The following TENM3 variants were observed in gnomAD, a reference collection of about 807,000 sequenced individuals.
TENM3 encodes teneurin transmembrane protein 3, also known as teneurin-3.
TENM3 carries 63 observed loss-of-function variants against 255.1 expected under a neutral mutation model. The ratio of observed to expected loss-of-function variants is 0.25; its 90% CI spans 0.20 to 0.30. The LOEUF is 0.30. TENM3 is among the 10% of genes least tolerant of loss of function. TENM3 has a pLI of 1.00. For missense variants in TENM3, 2,929 were observed against 3,461.1 expected (o/e 0.85, Z 3.86); for synonymous variants, 1,306 against 1,322.3 (o/e 0.99, Z 0.27).
chr4:182,432,849 G>GGTGTGTGTGTGTGTGTGTGTGTGTGT (rs70956512), intron 3 of TENM3, among the ~76,000 whole-genome samples: 3,781 of 143,022 alleles, frequency 0.026, 89 homozygotes, highest in Middle Eastern at 0.04. Context: ...AATGGATTTG[G>GGTGTGTGTGTGTGTGTGTGTGTGTGT]GTGTGTGTGT....
chr4:181,457,007 A>G, the TENM3 span, among the ~76,000 whole-genome samples: 2 of 151,902 alleles, frequency 1.3e-5, no homozygotes, highest in African/African-American at 4.8e-5. Flanking sequence ...TCTAAGGGAC[A>G]GCATCAACCA....
the TENM3 span, among the ~76,000 whole-genome samples, chr4:181,672,905 G>A: frequency 6.6e-6 from 1 of 152,178 alleles, no homozygotes; most frequent in Non-Finnish European, 1.5e-5. Flanking sequence ...TGGCACCCTA[G>A]CTGAGGACTG....
chr4:182,668,218 T>C (rs1335821773), intron 6 of TENM3, among the ~76,000 whole-genome samples: 1 of 152,154 alleles, frequency 6.6e-6, no homozygotes, highest in African/African-American at 2.4e-5. Context: ...ACAATACTTT[T>C]AATTTTGCCT....
the TENM3 span, among the ~76,000 whole-genome samples, chr4:181,570,579 GAGAAAA>G: frequency 7.1e-6 from 1 of 139,946 alleles, no homozygotes; most frequent in Non-Finnish European, 1.6e-5. Context: ...AAGGAAAAGA[GAGAAAA>G]AGAAAGAAAA....
intron 3 of TENM3, among the ~76,000 whole-genome samples, chr4:182,408,865 G>T (rs1444949598): frequency 1.3e-5 from 2 of 152,194 alleles, no homozygotes; most frequent in Admixed American, 1.3e-4. Context: ...GGGGCCTTTG[G>T]CAGCCTCCTT....
chr4:182,188,308 G>A (rs780846581), intron 1 of TENM3, among the ~76,000 whole-genome samples: 6 of 152,008 alleles, frequency 3.9e-5, no homozygotes, highest in Admixed American at 2.0e-4. Flanking sequence ...TTCCATATCT[G>A]TAGATGAGAG....
the TENM3 span, among the ~76,000 whole-genome samples, chr4:182,136,952 C>A: frequency 6.6e-6 from 1 of 152,080 alleles, no homozygotes; most frequent in Non-Finnish European, 1.5e-5. Flanking sequence ...TCTCATAATG[C>A]ACAGAAAGAT....
At chr4:182,408,975 G>C (rs989758778) in intron 3 of TENM3, among the ~76,000 whole-genome samples, 1 of 152,228 alleles carries the variant, frequency 6.6e-6, no homozygotes, top group Non-Finnish European at 1.5e-5. Context: ...TACAGATAAC[G>C]AGGACCAGTC....
At chr4:181,580,373 A>T in the TENM3 span, among the ~76,000 whole-genome samples, 2 of 152,132 alleles carry the variant, frequency 1.3e-5, no homozygotes, top group African/African-American at 4.8e-5. Flanking sequence ...GCATATGCAG[A>T]TCTTCTCCAT....
intron 1 of TENM3, among the ~76,000 whole-genome samples, chr4:182,252,731 A>C (rs1758102847): frequency 6.6e-6 from 1 of 152,224 alleles, no homozygotes; most frequent in Non-Finnish European, 1.5e-5. Context: ...TTTATACATA[A>C]AATGACACCT....
chr4:182,583,811 G>A (rs918098438), intron 3 of TENM3, among the ~76,000 whole-genome samples: 5 of 152,094 alleles, frequency 3.3e-5, no homozygotes, highest in African/African-American at 1.2e-4. Flanking sequence ...GTTAGCATGT[G>A]TTTTCTACAG....
At chr4:181,588,101 A>G in the TENM3 span, among the ~76,000 whole-genome samples, 13,186 of 152,242 alleles carry the variant, frequency 0.087, 733 homozygotes, top group Middle Eastern at 0.13. Context: ...TTAGAGGAGC[A>G]TGCCAGACAT....
At position 182,503,196 on chromosome 4, in the gene TENM3, G is replaced by C. The variant is rs751671675; in HGVS notation, c.512-97728G>C. On this transcript the variant is annotated intron_variant, in intron 3 of 27. Transcript: ENST00000511685. ...GGTTTCTTGCTTTGGGTGAGGACTG[G>C]GGAGAGTGTATACATGTGGCTGCTG... Among the ~76,000 whole-genome samples, 5 of 152,022 alleles carry C rather than the reference G, an allele frequency of 3.3e-5. 1 individual carries two copies. The highest frequency in any genetic ancestry group is 3.3e-4 in the Admixed American group (5 of 15,248).
At chr4:182,287,649 T>C (rs1207523126) in intron 1 of TENM3, among the ~76,000 whole-genome samples, 2 of 151,606 alleles carry the variant, frequency 1.3e-5, no homozygotes, top group Non-Finnish European at 2.9e-5. Context: ...AGTCTCGCTC[T>C]GACACCCAGG....
the TENM3 span, among the ~76,000 whole-genome samples, chr4:181,502,133 G>T: frequency 2.0e-5 from 3 of 152,188 alleles, no homozygotes; most frequent in African/African-American, 4.8e-5. Context: ...TTTAGAAGGT[G>T]AAGCACAGGA....
chr4:182,300,351 TC>T (rs1291623460), intron 1 of TENM3, among the ~76,000 whole-genome samples: 1 of 152,210 alleles, frequency 6.6e-6, no homozygotes, highest in South Asian at 2.1e-4. Context: ...ACAATTGGTC[TC>T]TCAGGCCATA....
chr4:182,214,159 G>T (rs1755276517), intron 1 of TENM3, among the ~76,000 whole-genome samples: 1 of 152,126 alleles, frequency 6.6e-6, no homozygotes, highest in African/African-American at 2.4e-5. Flanking sequence ...GGTAAGTAGG[G>T]TTTAAATCTA....
the TENM3 span, among the ~76,000 whole-genome samples, chr4:181,627,265 T>C: frequency 6.6e-6 from 1 of 152,286 alleles, no homozygotes; most frequent in East Asian, 1.9e-4. Context: ...ACAAGCTCTT[T>C]TAATGTTTGA....
intron 3 of TENM3, among the ~76,000 whole-genome samples, chr4:182,506,903 C>T (rs1288253009): frequency 6.6e-6 from 1 of 152,116 alleles, no homozygotes; most frequent in Non-Finnish European, 1.5e-5. Context: ...CTTTATTATC[C>T]TGATAGTAGT....
Sources: gnomAD v4.1 joint callset for allele counts (sites outside exome capture counted in the v4.1 genomes callset) on GRCh38, gnomAD v4.1.1 for gene constraint, MANE v1.5 for transcripts, NCBI Gene and HGNC (gene_info 2026-07-23, HGNC 2026-07-21) for gene names.